FBXL19: variants seen among roughly 807,000 people sequenced by gnomAD.
The protein encoded by FBXL19 is F-box and leucine rich repeat protein 19, also known as F-box/LRR-repeat protein 19.
A neutral mutation model predicts 71.2 loss-of-function variants in FBXL19; 16 were observed. The ratio of observed to expected loss-of-function variants is 0.22; its 90% CI spans 0.15 to 0.34. The LOEUF is 0.34. Ranked by LOEUF, FBXL19 falls within the 10% of genes least tolerant of loss-of-function variation. The probability of loss-of-function intolerance (pLI) is 1.00; values close to 1 mark genes in which losing one functional copy is unlikely to be tolerated. For missense variants in FBXL19, 658 were observed against 968.2 expected (o/e 0.68, Z 4.25); for synonymous variants, 447 against 409.4 (o/e 1.09, Z -1.11).
chr16:30,928,012 G>T, intron 5 of FBXL19, 49 bp downstream of exon 5: 1 of 1,284,882 alleles, frequency 7.8e-7, no homozygotes, highest in Non-Finnish European at 1.1e-6. Flanking sequence ...AATTCTGGGA[G>T]CTGTAGTCCT....
Position 30,927,733 on chromosome 16 carries a change from T to G in FBXL19, c.409-12T>G. On this transcript the variant is annotated splice_polypyrimidine_tract_variant and intron_variant, in intron 4 of 10. Transcript: ENST00000338343. ...TGTGCAGGTCCTCACCCCCAGCTTC[T>G]GTCCCGCCTAGGATTCAGGTGAGGG... The G allele has an allele frequency of 6.4e-7, 1 of 1,556,570 alleles. No individual in the cohort carries two copies. Among genetic ancestry groups the G allele is most frequent in the Non-Finnish European group, 8.7e-7 (1 of 1,150,450 alleles).
chr16:30,923,677 A>C lies in FBXL19; in HGVS notation c.-807A>C, dbSNP rs1284049883. Among the ~76,000 whole-genome samples, 2 of 151,282 alleles carry C rather than the reference A, an allele frequency of 1.3e-5. No homozygotes were observed. Among genetic ancestry groups the C allele is most frequent in the Admixed American group, 1.3e-4 (2 of 15,236 alleles). ...GGGACCAGGGGGGCTGAGACACCCC[A>C]ACTGCCCCCTTCCCCTTTCCCTCTC... is the stretch of plus-strand genomic sequence containing the variant. On this transcript the variant is annotated 5_prime_UTR_variant, in exon 1 of 11. Transcript: ENST00000338343.
intron 3 of FBXL19, 22 bp downstream of exon 3, chr16:30,927,473 C>CG (rs1567337679): frequency 7.0e-6 from 11 of 1,580,316 alleles, no homozygotes; most frequent in Non-Finnish European, 8.6e-6. Context: ...GGGACCCCGG[C>CG]GTCTGGGGTG....
intron 2 of FBXL19, among the ~76,000 whole-genome samples, chr16:30,927,066 C>T (rs1410842147): frequency 6.6e-6 from 1 of 152,210 alleles, no homozygotes; most frequent in African/African-American, 2.4e-5. Flanking sequence ...TTATTTTGCT[C>T]TCCCAAGAGT....
intron 7 of FBXL19, among the ~76,000 whole-genome samples, chr16:30,932,214 G>A (rs1166249056): frequency 6.6e-6 from 1 of 152,172 alleles, no homozygotes; most frequent in African/African-American, 2.4e-5. Context: ...AGCTCTCATT[G>A]TAGCCAGTAT....
chr16:30,932,397 T>G (rs992011282), intron 7 of FBXL19, among the ~76,000 whole-genome samples: 1 of 152,212 alleles, frequency 6.6e-6, no homozygotes, highest in Admixed American at 6.5e-5. Context: ...CTGAGGCCCC[T>G]TCAAGGCCAG....
chr16:30,924,728 C>A, intron 1 of FBXL19: 1 of 1,501,612 alleles, frequency 6.7e-7, no homozygotes, highest in Non-Finnish European at 8.8e-7. Flanking sequence ...CCCTTAGCCC[C>A]ATGGATGGGT....
intron 5 of FBXL19, 49 bp from the exon 6 acceptor site, chr16:30,928,418 G>A (rs944758380): frequency 6.7e-7 from 1 of 1,485,558 alleles, no homozygotes; most frequent in Non-Finnish European, 9.0e-7. Context: ...GCCCATGAGG[G>A]CCTAATGGGG....
chr16:30,936,601 C>CT (rs547272418), intron 7 of FBXL19, among the ~76,000 whole-genome samples: 17,452 of 117,994 alleles, frequency 0.15, 1,706 homozygotes, highest in African/African-American at 0.31. Flanking sequence ...AATTTTTTTT[C>CT]TTTTTTTTTT....
At chr16:30,937,648 G>A (rs1033680411) in intron 7 of FBXL19, among the ~76,000 whole-genome samples, 1 of 152,144 alleles carries the variant, frequency 6.6e-6, no homozygotes, top group Non-Finnish European at 1.5e-5. Context: ...CCTGGAAGAG[G>A]AGGCACTGGA....
Position 30,943,367 on chromosome 16 carries a change from ATTTTTTTTTTTT to A in FBXL19, c.1627+845_1627+856del, listed in dbSNP as rs34002102. Among the ~76,000 whole-genome samples, 3 of 67,584 alleles carry A rather than the reference ATTTTTTTTTTTT, an allele frequency of 4.4e-5. No individual in the cohort carries two copies. The East Asian group carries it at 1.7e-3, about 38-fold the overall frequency. The allele number at this position is 67,584 out of a possible 152,430, so 44.3% of individuals were successfully genotyped here. On this transcript the variant is annotated intron_variant, in intron 9 of 10. Coordinates refer to ENST00000338343, the MANE Select transcript of FBXL19 (RefSeq NM_001382779.1). ...ACCACGCCTGGCTAATTTTTTTGTA[ATTTTTTTTTTTT>A]TTTTTTTTTTTTTGAGGTGAAGTCT...
At chr16:30,923,020 T>G (rs922697802), upstream of FBXL19, 4 of 456,756 alleles carry the variant, frequency 8.8e-6, no homozygotes, top group African/African-American at 8.0e-5. Context: ...CCTCGTAAGA[T>G]CGACTACTAG....
chr16:30,931,694 C>T (rs1185072719), intron 7 of FBXL19, among the ~76,000 whole-genome samples: 1 of 152,112 alleles, frequency 6.6e-6, no homozygotes, highest in Admixed American at 6.6e-5. Flanking sequence ...AGAGTGCAGG[C>T]TCTGGAGGCA....
Position 30,946,680 on chromosome 16 carries a change from C to A in FBXL19, c.1628-50C>A. ...AGGGCAGATGGTCTGGATACCTGGG[C>A]GCAGGGATGGGAGTGGCCAGGAGTG... On this transcript the variant is annotated intron_variant, in intron 9 of 10. Transcript: ENST00000338343. This position sits in a 1 kb window ranked among gnomAD's most constrained non-coding sequence, Gnocchi z 6.7. 3 of 1,536,812 alleles carry A rather than the reference C, an allele frequency of 2.0e-6. No individual in the cohort carries two copies. Among genetic ancestry groups the A allele is most frequent in the Non-Finnish European group, 1.8e-6 (2 of 1,133,250 alleles).
In FBXL19 at chr16:30,946,743, C is replaced by T; in HGVS notation, c.1641C>T (p.Ser547=). The T allele has an allele frequency of 6.2e-7, 1 of 1,612,762 alleles. No homozygotes were observed. Among genetic ancestry groups the T allele is most frequent in the Non-Finnish European group, 8.5e-7 (1 of 1,179,640 alleles). ...PPDTKPGQTE[S]RGRLQGVAEL... ...CTGGCTGCCCAGGGCAAACAGAGAG[C>T]CGTGGTCGGCTGCAGGGGGTGGCAG... Residue 547 remains serine (S), a synonymous_variant, in exon 10 of 11, where the codon AGC becomes AGT. Transcript: ENST00000338343. The surrounding 1 kb of genome is among the most constrained non-coding windows in gnomAD (Gnocchi z 6.7).
intron 7 of FBXL19, among the ~76,000 whole-genome samples, chr16:30,940,507 A>G (rs981633933): frequency 2.0e-5 from 3 of 152,126 alleles, no homozygotes; most frequent in Admixed American, 6.6e-5. Context: ...GCCTTTGAGA[A>G]CTACTGAACT....
chr16:30,932,553 C>T (rs966941819), intron 7 of FBXL19, among the ~76,000 whole-genome samples: 3 of 152,160 alleles, frequency 2.0e-5, no homozygotes, highest in Non-Finnish European at 2.9e-5. Flanking sequence ...TCACTGGCTG[C>T]GTGGCCATGT....
Position 30,928,557 on chromosome 16 carries a change from C to T in FBXL19, c.718C>T (p.Pro240Ser). 1.2e-6 allele frequency: 2 copies of T among 1,607,780 alleles called. No individual in the cohort carries two copies. Among genetic ancestry groups the T allele is most frequent in the Non-Finnish European group, 1.7e-6 (2 of 1,177,100 alleles). Reference sequence around the variant, plus strand: ...GGACCCAGGCGGCCCGGGCCTGCTGCCCCCCAGGGTTCTGAATCCGAGCCA... The same window carrying T: ...GGACCCAGGCGGCCCGGGCCTGCTGTCCCCCAGGGTTCTGAATCCGAGCCA... The part of the protein sequence containing the change: ...GSDPGGPGLL[P>S]PRVLNPSQAF... The change falls in exon 6 of 11, where the codon CCC becomes TCC. Residue 240 changes from proline to serine, a missense_variant. Physicochemically the swap from Pro to Ser is moderately conservative, Grantham distance 74. Transcript: ENST00000338343.
chr16:30,924,691 G>C (rs1045219522), intron 1 of FBXL19: 1 of 1,477,534 alleles, frequency 6.8e-7, no homozygotes, highest in African/African-American at 1.5e-5. Flanking sequence ...CCGCCCTCCA[G>C]GCCCCTCCCC....
Sources: gnomAD v4.1 joint callset for allele counts (sites outside exome capture counted in the v4.1 genomes callset) on GRCh38, gnomAD v4.1.1 for gene constraint, Gnocchi (gnomAD v3.1) non-coding constraint, MANE v1.5 for transcripts, NCBI Gene and HGNC (gene_info 2026-07-23, HGNC 2026-07-21) for gene names.